Variants in PAPPA observed in about 807,000 individuals in gnomAD.
PAPPA encodes the protein pappalysin-1.
In PAPPA, 60 loss-of-function variants were observed where a neutral mutation model predicts 164.0. The observed-to-expected ratio is 0.37, with a 90% CI of 0.30 to 0.45. PAPPA has a LOEUF of 0.45. Among genes scored for constraint, PAPPA ranks in the 20% least tolerant of loss-of-function variants. The pLI, the probability that PAPPA is intolerant of heterozygous loss-of-function variation, is 1.00. For missense variants in PAPPA, 1,782 were observed against 2,087.3 expected, an observed-to-expected ratio of 0.85 and a Z score of 2.85; for synonymous variants, 875 against 814.1, an observed-to-expected ratio of 1.07 and a Z score of -1.27.
At chr9:116,205,210 A>G in intron 2 of PAPPA, among the ~76,000 whole-genome samples, 1 of 152,024 alleles carries the variant, frequency 6.6e-6, no homozygotes, top group Non-Finnish European at 1.5e-5. Flanking sequence ...CATACAAGCC[A>G]TGAAGAGGCT....
At chr9:116,351,964 C>T (rs150826019) in intron 15 of PAPPA, among the ~76,000 whole-genome samples, 15 of 152,246 alleles carry the variant, frequency 9.9e-5, no homozygotes, top group African/African-American at 1.9e-4. Flanking sequence ...AGGTTTTAGG[C>T]GGGCTGTGCC....
intron 4 of PAPPA, among the ~76,000 whole-genome samples, chr9:116,217,656 C>T (rs1283094669): frequency 7.2e-5 from 11 of 152,060 alleles, no homozygotes. Context: ...CAAGCATACA[C>T]ACACACACCA....
At chr9:116,163,238 A>G (rs1564171015) in intron 1 of PAPPA, among the ~76,000 whole-genome samples, 2 of 152,204 alleles carry the variant, frequency 1.3e-5, no homozygotes, top group Non-Finnish European at 2.9e-5. Flanking sequence ...TGTCAGGTGA[A>G]TGTTTGTAAA....
At chr9:116,362,144 A>G (rs1164833233) in intron 17 of PAPPA, among the ~76,000 whole-genome samples, 1 of 152,202 alleles carries the variant, frequency 6.6e-6, no homozygotes, top group African/African-American at 2.4e-5. Flanking sequence ...GAGCCCTGAC[A>G]TAGGATACTT....
At chr9:116,168,625 G>A (rs1843741412) in intron 1 of PAPPA, among the ~76,000 whole-genome samples, 1 of 152,112 alleles carries the variant, frequency 6.6e-6, no homozygotes, top group Non-Finnish European at 1.5e-5. Flanking sequence ...CTTGTGTGGG[G>A]GTATAGTCAT....
chr9:116,312,288 CTT>C (rs5900201), intron 10 of PAPPA, among the ~76,000 whole-genome samples: 87 of 129,600 alleles, frequency 6.7e-4, no homozygotes, highest in African/African-American at 9.4e-4. Context: ...TTCTTTCTTT[CTT>C]TTTTTTTTTT....
At chr9:116,317,280 G>T (rs1338241910) in intron 10 of PAPPA, among the ~76,000 whole-genome samples, 1 of 152,152 alleles carries the variant, frequency 6.6e-6, no homozygotes, top group Non-Finnish European at 1.5e-5. Context: ...ATAACCAAGG[G>T]TTTCGGTGAC....
At chr9:116,261,937 G>A (rs995846371) in intron 7 of PAPPA, among the ~76,000 whole-genome samples, 17 of 151,064 alleles carry the variant, frequency 1.1e-4, no homozygotes, top group African/African-American at 3.9e-4. Flanking sequence ...TGAGGGCCAG[G>A]CACAGTGGCT....
At chr9:116,383,562 T>C (rs1846761866) in intron 21 of PAPPA, among the ~76,000 whole-genome samples, 2 of 152,172 alleles carry the variant, frequency 1.3e-5, no homozygotes, top group Admixed American at 1.3e-4. Context: ...TGGATTCCAA[T>C]CCCAGTCCCT....
chr9:116,203,096 AG>A (rs1477642869), intron 2 of PAPPA, among the ~76,000 whole-genome samples: 1 of 152,158 alleles, frequency 6.6e-6, no homozygotes, highest in Admixed American at 6.5e-5. Context: ...GAGAGAATGG[AG>A]GCTGCCATCC....
intron 1 of PAPPA, among the ~76,000 whole-genome samples, chr9:116,181,044 T>C (rs900117779): frequency 6.6e-6 from 1 of 152,206 alleles, no homozygotes; most frequent in African/African-American, 2.4e-5. Context: ...ATCTTTCTAA[T>C]ACACCTTGCT....
chr9:116,223,349 A>G (rs916207941), intron 5 of PAPPA, among the ~76,000 whole-genome samples: 1 of 152,184 alleles, frequency 6.6e-6, no homozygotes, highest in African/African-American at 2.4e-5. Flanking sequence ...CTTCCTGTGT[A>G]TGTATTTAAT....
At chr9:116,300,054 G>T (rs1845560066) in intron 9 of PAPPA, among the ~76,000 whole-genome samples, 1 of 152,026 alleles carries the variant, frequency 6.6e-6, no homozygotes, top group Admixed American at 6.6e-5. Flanking sequence ...AGTAAAGTCT[G>T]GATTTATGGC....
intron 1 of PAPPA, among the ~76,000 whole-genome samples, chr9:116,172,576 T>G (rs1013157874): frequency 5.3e-5 from 8 of 152,192 alleles, no homozygotes; most frequent in Non-Finnish European, 8.8e-5. Flanking sequence ...TGGATTCTTC[T>G]GATTAAACTG....
At chr9:116,240,666 A>G (rs917131473) in intron 7 of PAPPA, among the ~76,000 whole-genome samples, 12 of 152,138 alleles carry the variant, frequency 7.9e-5, no homozygotes, top group African/African-American at 2.7e-4. Context: ...ACAACCCCAC[A>G]ATGTAGGTGG....
At position 116,352,740 on chromosome 9, in the gene PAPPA, GCTGTGGTCCTTCCCAGAGGC is replaced by G; in HGVS notation, c.4001_4020del (p.Leu1334ProfsTer3). On this transcript the variant is annotated frameshift_variant, in exon 16 of 22. Coordinates refer to ENST00000328252, the MANE Select transcript of PAPPA (RefSeq NM_002581.5). LOFTEE classifies it high-confidence loss of function. ...GCCTCCTGACCTGCATGGAGGATGG[GCTGTGGTCCTTCCCAGAGGC>G]CCTGTGTGAGCTCATGTGCCTCGCT... 1 of 1,613,274 alleles carries G rather than the reference GCTGTGGTCCTTCCCAGAGGC, an allele frequency of 6.2e-7. No homozygotes were observed. Among genetic ancestry groups the G allele is most frequent in the Non-Finnish European group, 8.5e-7 (1 of 1,180,012 alleles).
In PAPPA at chr9:116,235,507, A is replaced by G. The variant is rs756272974; in HGVS notation, c.2602A>G (p.Met868Val). ...TGAGCACCTGGAGATCGATGCTGCC[A>G]TGTTGACCTCCACTGCAGACACCCC... ...LDEHLEIDAA[M>V]LTSTADTPLC... is the part of the protein sequence containing the mutation. The change falls in exon 7 of 22, where the codon ATG becomes GTG. Residue 868 changes from methionine to valine, a missense_variant. Met to Val is a conservative substitution (Grantham distance 21, BLOSUM62 1). Transcript: ENST00000328252. The G allele has an allele frequency of 7.4e-6, 12 of 1,613,668 alleles. No individual in the cohort carries two copies. Among genetic ancestry groups the G allele is most frequent in the South Asian group, 1.1e-5 (1 of 91,046 alleles).
chr9:116,310,050 T>G (rs1170114431), intron 10 of PAPPA, among the ~76,000 whole-genome samples: 2 of 152,224 alleles, frequency 1.3e-5, no homozygotes, highest in Non-Finnish European at 2.9e-5. Context: ...TGGTATTGCA[T>G]TAAAACAGCC....
intron 2 of PAPPA, among the ~76,000 whole-genome samples, chr9:116,194,813 CTG>C (rs1282652464): frequency 6.6e-6 from 1 of 152,146 alleles, no homozygotes; most frequent in Non-Finnish European, 1.5e-5. Context: ...TTTACAGAGA[CTG>C]TGTTCCTACA....
Sources: gnomAD v4.1 joint callset for allele counts (sites outside exome capture counted in the v4.1 genomes callset) on GRCh38, gnomAD v4.1.1 for gene constraint, MANE v1.5 for transcripts, NCBI Gene and HGNC (gene_info 2026-07-23, HGNC 2026-07-21) for gene names.